Variants in SETD5 observed in about 807,000 individuals in gnomAD.
SETD5 encodes the protein SET domain containing 5.
In SETD5, 44 loss-of-function variants were observed where a neutral mutation model predicts 153.3. The ratio of observed to expected loss-of-function variants is 0.29; its 90% CI spans 0.23 to 0.37. The LOEUF (loss-of-function observed/expected upper bound fraction) is 0.37, where lower values mean the gene tolerates loss of function less well. Among genes scored for constraint, SETD5 ranks in the 10% least tolerant of loss-of-function variants. The pLI is 1.00. For missense variants in SETD5, 1,544 were observed against 1,768.0 expected, an observed-to-expected ratio of 0.87 and a Z score of 2.27; for synonymous variants, 716 against 645.2, an observed-to-expected ratio of 1.11 and a Z score of -1.66.
At position 9,442,146 on chromosome 3, in the gene SETD5, C is replaced by G. The variant is rs781546840; in HGVS notation, c.978C>G (p.Leu326=). Residue 326 remains leucine (L), a synonymous_variant, in exon 10 of 23, where the codon CTC becomes CTG. Coordinates refer to ENST00000402198, the MANE Select transcript of SETD5 (RefSeq NM_001080517.3). ...HFFKKPYPFV[L]FYSKFNGVEM... The stretch of plus-strand genomic sequence containing the variant: ...TCCCTAGACCATACCCCTTTGTGCT[C>G]TTCTACTCAAAATTCAATGGTGTAG... 1.7e-5 allele frequency: 28 copies of G among 1,611,672 alleles called. No individual in the cohort carries two copies. Among genetic ancestry groups the G allele is most frequent in the Non-Finnish European group, 2.4e-5 (28 of 1,178,982 alleles).
chr3:9,445,592 A>G, intron 12 of SETD5, 65 bp from the exon 13 acceptor site: 3 of 1,402,342 alleles, frequency 2.1e-6, no homozygotes, highest in Non-Finnish European at 2.0e-6. Flanking sequence ...TTAAGCTACC[A>G]GAATAAAACA....
intron 1 of SETD5, among the ~76,000 whole-genome samples, chr3:9,407,425 A>G (rs1322134320): frequency 1.3e-5 from 2 of 152,184 alleles, no homozygotes; most frequent in African/African-American, 4.8e-5. Flanking sequence ...TTTTTAGAGA[A>G]GGAAGGCTCT....
intron 18 of SETD5, 81 bp downstream of exon 18, chr3:9,464,753 C>G (rs770122348): frequency 6.3e-7 from 1 of 1,593,804 alleles, no homozygotes; most frequent in Non-Finnish European, 8.6e-7. Context: ...AATACCATTC[C>G]AAATGTTTCT....
Position 9,475,714 on chromosome 3 carries a change from C to T in SETD5, c.3952C>T (p.Pro1318Ser). ...TDSLAPFTGT[P>S]GYFSSQPHSG... ...CTCGTTGGCCCCATTTACGGGGACA[C>T]CAGGGTATTTTAGCAGCCAGCCACA... Residue 1318 changes from proline to serine, a missense_variant, in exon 23 of 23, where the codon CCA becomes TCA. Pro to Ser is a moderately conservative substitution (Grantham distance 74). Coordinates refer to ENST00000402198, the MANE Select transcript of SETD5 (RefSeq NM_001080517.3). The T allele has an allele frequency of 6.2e-7, 1 of 1,613,952 alleles. No individual in the cohort carries two copies. The highest frequency in any genetic ancestry group is 8.5e-7 in the Non-Finnish European group (1 of 1,179,876).
At chr3:9,413,649 G>GGTGTGT (rs1160123997) in intron 1 of SETD5, among the ~76,000 whole-genome samples, 4,172 of 140,380 alleles carry the variant, frequency 0.03, 109 homozygotes, top group Admixed American at 0.075. Flanking sequence ...GGGGAGGCGG[G>GGTGTGT]GTGTGTGTGT....
intron 22 of SETD5, 155 bp from the exon 23 acceptor site, chr3:9,475,328 G>A (rs1290025600): frequency 9.3e-6 from 11 of 1,182,528 alleles, no homozygotes; most frequent in South Asian, 6.4e-5. Context: ...AGATGAATAC[G>A]GTGATCAAAG....
chr3:9,453,395 G>A (rs1023971326), intron 16 of SETD5, among the ~76,000 whole-genome samples: 1 of 151,974 alleles, frequency 6.6e-6, no homozygotes, highest in African/African-American at 2.4e-5. Context: ...TATTCTATAC[G>A]ATCACAGTCT....
intron 10 of SETD5, among the ~76,000 whole-genome samples, chr3:9,442,501 G>C (rs2041420159): frequency 1.3e-5 from 2 of 152,210 alleles, no homozygotes; most frequent in South Asian, 4.1e-4. Context: ...GACTGGATAA[G>C]AAAATCAAGT....
intron 16 of SETD5, among the ~76,000 whole-genome samples, chr3:9,452,244 G>A (rs1436920567): frequency 1.3e-5 from 2 of 152,148 alleles, no homozygotes; most frequent in Non-Finnish European, 2.9e-5. Flanking sequence ...ACTCAGATAG[G>A]AAAGCTTAGT....
chr3:9,456,637 A>T (rs1380651988), intron 17 of SETD5, among the ~76,000 whole-genome samples: 2 of 152,148 alleles, frequency 1.3e-5, no homozygotes, highest in Non-Finnish European at 2.9e-5. Flanking sequence ...ATTATTCTAC[A>T]CAGAATACTC....
chr3:9,427,830 C>A (rs768906407), intron 2 of SETD5, among the ~76,000 whole-genome samples: 5 of 152,180 alleles, frequency 3.3e-5, no homozygotes, highest in Non-Finnish European at 5.9e-5. Context: ...TAAAGTCACA[C>A]AAAGAACACT....
At position 9,440,580 on chromosome 3, in the gene SETD5, A is replaced by G; in HGVS notation, c.692A>G (p.Asn231Ser). ...AATCAGTACAGTGCAGATGTACAGA[A>G]CGCGCTTGAACAACACCTACATTCT... ...FTNQYSADVQNALEQHLHSSK... is the reference protein window; with the variant it reads ...FTNQYSADVQSALEQHLHSSK... Residue 231 changes from asparagine (N) to serine (S), a missense_variant, in exon 8 of 23, where the codon AAC becomes AGC. Transcript: ENST00000402198. 2 of 1,613,998 alleles carry G rather than the reference A, an allele frequency of 1.2e-6. No individual in the cohort carries two copies. The highest frequency in any genetic ancestry group is 1.7e-6 in the Non-Finnish European group (2 of 1,179,870).
intron 19 of SETD5, among the ~76,000 whole-genome samples, chr3:9,472,073 T>C (rs763634244): frequency 3.3e-5 from 5 of 152,192 alleles, no homozygotes; most frequent in Non-Finnish European, 7.3e-5. Flanking sequence ...ATTTCGAAGA[T>C]TGTTGCGTGA....
rs1041572551 is a variant in SETD5 at position 9,445,196 on chromosome 3, C to T, written c.1336C>T (p.Arg446Trp). 1.1e-5 allele frequency: 18 copies of T among 1,613,654 alleles called. 1 individual carries two copies. Among genetic ancestry groups the T allele is most frequent in the South Asian group, 2.2e-5 (2 of 91,054 alleles). The change falls in exon 12 of 23, where the codon CGG (arginine) becomes TGG (tryptophan). Residue 446 changes from arginine (R) to tryptophan (W), a missense_variant. By Grantham distance (101) the Arg-to-Trp change is moderately radical (BLOSUM62 -3). Coordinates refer to ENST00000402198, the MANE Select transcript of SETD5 (RefSeq NM_001080517.3). Reference sequence around the variant, plus strand: ...AGAGACTAGACGTAGAAAAGCACGACGGAAAGAGCTAGAGATGGAGCAGCA... The same window carrying T: ...AGAGACTAGACGTAGAAAAGCACGATGGAAAGAGCTAGAGATGGAGCAGCA... ...GAETRRRKAR[R>W]KELEMEQQNE...
intron 2 of SETD5, among the ~76,000 whole-genome samples, chr3:9,427,481 C>T (rs2039429473): frequency 2.0e-5 from 3 of 152,108 alleles, no homozygotes; most frequent in Non-Finnish European, 2.9e-5. Context: ...AGCCAGGAGG[C>T]GGAGGTTGTA....
chr3:9,426,506 C>G (rs746923964), intron 2 of SETD5, among the ~76,000 whole-genome samples: 11 of 151,704 alleles, frequency 7.3e-5, no homozygotes, highest in Non-Finnish European at 1.5e-4. Flanking sequence ...AAGAGATTCT[C>G]CTGCCTCAGC....
At chr3:9,408,395 A>G (rs2036059714) in intron 1 of SETD5, among the ~76,000 whole-genome samples, 1 of 152,212 alleles carries the variant, frequency 6.6e-6, no homozygotes, top group South Asian at 2.1e-4. Context: ...AACTCCAATT[A>G]CTACAAAATA....
chr3:9,437,864 G>A (rs772036826), intron 7 of SETD5, among the ~76,000 whole-genome samples: 5 of 151,926 alleles, frequency 3.3e-5, no homozygotes, highest in South Asian at 2.1e-4. Flanking sequence ...TTAGCCAGGC[G>A]TGGTGGCAGG....
Position 9,473,508 on chromosome 3 carries a change from C to T in SETD5, c.3468C>T (p.Cys1156=). 6.2e-7 allele frequency: 1 copy of T among 1,613,366 alleles called. No individual in the cohort carries two copies. The highest frequency in any genetic ancestry group is 1.1e-5 in the South Asian group (1 of 90,960). The change falls in exon 20 of 23, where the codon TGC becomes TGT. Residue 1156 remains cysteine, a synonymous_variant. Coordinates refer to ENST00000402198, the MANE Select transcript of SETD5 (RefSeq NM_001080517.3). The part of the protein sequence containing the change: ...SDSRGTSSSH[C]RPQENISSRW... Reference sequence around the variant, plus strand: ...CCAGAGGCACTTCTTCATCTCACTGCAGACCTCAAGAGAATATCAGCAGTA... The same window carrying T: ...CCAGAGGCACTTCTTCATCTCACTGTAGACCTCAAGAGAATATCAGCAGTA...
Sources: allele counts gnomAD v4.1 joint callset (sites outside exome capture counted in the v4.1 genomes callset), GRCh38; gene constraint gnomAD v4.1.1; transcripts MANE v1.5; gene names NCBI Gene and HGNC (gene_info 2026-07-23, HGNC 2026-07-21).